Variants in MTUS2 observed in about 807,000 individuals in gnomAD.
MTUS2 encodes microtubule-associated tumor suppressor candidate 2.
Under a neutral mutation model 114.1 loss-of-function variants are expected in MTUS2, and 40 were observed. The ratio of observed to expected loss-of-function variants is 0.35; its 90% CI spans 0.27 to 0.46. MTUS2 has a LOEUF of 0.46. Among genes scored for constraint, MTUS2 ranks in the 20% least tolerant of loss-of-function variants. The probability of loss-of-function intolerance (pLI) is 1.00; values close to 1 mark genes in which losing one functional copy is unlikely to be tolerated. For synonymous variants in MTUS2, 688 were observed against 672.0 expected, an observed-to-expected ratio of 1.02 and a Z score of -0.37; for missense variants, 1,679 against 1,705.4, an observed-to-expected ratio of 0.98 and a Z score of 0.27.
intron 5 of MTUS2, among the ~76,000 whole-genome samples, chr13:29,274,254 CA>C: frequency 1.3e-5 from 2 of 152,096 alleles, no homozygotes; most frequent in Middle Eastern, 3.4e-3. Context: ...GCTGAGACTA[CA>C]GGTGCCCGCC....
intron 5 of MTUS2, among the ~76,000 whole-genome samples, chr13:29,253,603 T>G (rs1334500719): frequency 2.0e-5 from 3 of 152,154 alleles, no homozygotes; most frequent in Non-Finnish European, 4.4e-5. Context: ...TGCTATGGGA[T>G]ACATCAGTGA....
At chr13:29,329,720 TCTC>T in intron 7 of MTUS2, among the ~76,000 whole-genome samples, 1 of 151,322 alleles carries the variant, frequency 6.6e-6, no homozygotes, top group Non-Finnish European at 1.5e-5. Flanking sequence ...TTCAAGCAAT[TCTC>T]CTGCCTCAGC....
intron 2 of MTUS2, among the ~76,000 whole-genome samples, chr13:28,967,904 C>T (rs930001067): frequency 6.6e-6 from 1 of 151,940 alleles, no homozygotes; most frequent in African/African-American, 2.4e-5. Context: ...CATGTATGAA[C>T]GTGAAAATGT....
intron 2 of MTUS2, among the ~76,000 whole-genome samples, chr13:28,965,090 C>G (rs1883517720): frequency 6.6e-6 from 1 of 152,076 alleles, no homozygotes; most frequent in South Asian, 2.1e-4. Flanking sequence ...TGTTTTAACC[C>G]GTGTTGTCAT....
intron 2 of MTUS2, among the ~76,000 whole-genome samples, chr13:29,011,206 T>C (rs1566290363): frequency 1.3e-5 from 2 of 152,360 alleles, no homozygotes; most frequent in East Asian, 1.9e-4. Context: ...AAGCGATTTT[T>C]ATATATTTAA....
rs1889655983 is a variant in MTUS2 at position 29,085,607 on chromosome 13, G to A, written c.2447-15166G>A. 2.6e-5 allele frequency among the ~76,000 whole-genome samples: 4 copies of A among 152,160 alleles called. No homozygotes were observed. In the South Asian group the frequency reaches 8.3e-4, roughly 32 times the overall value. ...CCAGCTCCACCCATGTTCCTGCAAAGGACATGATCTTGTTCTTTTTTTGTG... is the reference window on the plus strand; with the variant it reads ...CCAGCTCCACCCATGTTCCTGCAAAAGACATGATCTTGTTCTTTTTTTGTG... On this transcript the variant is annotated intron_variant, in intron 4 of 15. Coordinates refer to ENST00000612955, the MANE Select transcript of MTUS2 (RefSeq NM_001033602.4).
chr13:29,280,326 G>A (rs9551640), intron 5 of MTUS2, among the ~76,000 whole-genome samples: 1 of 152,124 alleles, frequency 6.6e-6, no homozygotes, highest in Non-Finnish European at 1.5e-5. Context: ...GTCCTATGCA[G>A]AACTATTTTA....
chr13:29,079,488 T>C (rs1889346696), intron 4 of MTUS2, among the ~76,000 whole-genome samples: 1 of 152,218 alleles, frequency 6.6e-6, no homozygotes, highest in African/African-American at 2.4e-5. Context: ...AACCATTGGC[T>C]AATCTGGTGT....
chr13:28,845,382 T>C (rs1466939851), intron 2 of MTUS2, among the ~76,000 whole-genome samples: 1 of 152,246 alleles, frequency 6.6e-6, no homozygotes, highest in Non-Finnish European at 1.5e-5. Flanking sequence ...CTAACATGCA[T>C]TGGACACTAA....
At chr13:29,470,048 A>G (rs909312782) in intron 9 of MTUS2, among the ~76,000 whole-genome samples, 1 of 152,106 alleles carries the variant, frequency 6.6e-6, no homozygotes, top group Non-Finnish European at 1.5e-5. Context: ...CCAGACTCCT[A>G]ATGCCCAAAA....
intron 8 of MTUS2, among the ~76,000 whole-genome samples, chr13:29,422,085 A>T (rs185874283): frequency 6.6e-6 from 1 of 152,170 alleles, no homozygotes; most frequent in Non-Finnish European, 1.5e-5. Flanking sequence ...TATATGTCTG[A>T]ATTTCCTTTT....
intron 10 of MTUS2, among the ~76,000 whole-genome samples, chr13:29,483,429 C>T (rs1168256159): frequency 1.3e-5 from 2 of 152,232 alleles, no homozygotes; most frequent in African/African-American, 4.8e-5. Flanking sequence ...CTGCCCACGG[C>T]ATGTGCTCCG....
rs906105544 is a variant in MTUS2 at position 29,295,474 on chromosome 13, A to G, written c.2806+13609A>G. Among the ~76,000 whole-genome samples, 14 of 151,900 alleles carry G rather than the reference A, an allele frequency of 9.2e-5. No homozygotes were observed. In the South Asian group the frequency reaches 1.2e-3, roughly 14 times the overall value. ...GACCACTATTCTACTCTCTCCTTCT[A>G]TGAGATCAACCTTTTTAGCTTCCAC... On this transcript the variant is annotated intron_variant, in intron 6 of 15. Coordinates refer to ENST00000612955, the MANE Select transcript of MTUS2 (RefSeq NM_001033602.4).
At chr13:28,992,975 A>G (rs562806085) in intron 2 of MTUS2, among the ~76,000 whole-genome samples, 19 of 152,252 alleles carry the variant, frequency 1.2e-4, no homozygotes, top group Admixed American at 1.1e-3. Context: ...ATCATACAGT[A>G]TTTGTTGTCA....
chr13:29,195,258 A>ATAAAC (rs56030916), intron 5 of MTUS2, among the ~76,000 whole-genome samples: 1 of 150,358 alleles, frequency 6.7e-6, no homozygotes. Flanking sequence ...ATAAAATAAA[A>ATAAAC]TAAAATAAAA....
intron 2 of MTUS2, among the ~76,000 whole-genome samples, chr13:28,947,818 G>A (rs1882612391): frequency 6.6e-6 from 1 of 152,186 alleles, no homozygotes; most frequent in Non-Finnish European, 1.5e-5. Context: ...ATAAGTAATT[G>A]TGTGTATGCT....
At chr13:29,441,182 C>T (rs535746120) in intron 9 of MTUS2, among the ~76,000 whole-genome samples, 6 of 152,112 alleles carry the variant, frequency 3.9e-5, no homozygotes, top group African/African-American at 1.4e-4. Context: ...ACACCTACAC[C>T]CGGACACCCC....
intron 5 of MTUS2, among the ~76,000 whole-genome samples, chr13:29,228,490 T>G (rs1896199375): frequency 6.6e-6 from 1 of 152,104 alleles, no homozygotes; most frequent in African/African-American, 2.4e-5. Flanking sequence ...CTGGCTATTT[T>G]TTTTGTTTAA....
rs560376797 is a variant in MTUS2 at position 29,116,106 on chromosome 13, C to T, written c.2644+15136C>T. Among the ~76,000 whole-genome samples, 10 of 152,284 alleles carry T rather than the reference C, an allele frequency of 6.6e-5. No individual in the cohort carries two copies. The East Asian group carries it at 1.7e-3, about 26-fold the overall frequency. ...ATATGAGTCAGCTTCCATAAATCTGCTTCCATGCCTGGCCCCTAGGCCCCA... is the reference window on the plus strand; with the variant it reads ...ATATGAGTCAGCTTCCATAAATCTGTTTCCATGCCTGGCCCCTAGGCCCCA... On this transcript the variant is annotated intron_variant, in intron 5 of 15. Transcript: ENST00000612955.
Sources: gnomAD v4.1 joint callset for allele counts (sites outside exome capture counted in the v4.1 genomes callset) on GRCh38, gnomAD v4.1.1 for gene constraint, MANE v1.5 for transcripts, NCBI Gene and HGNC (gene_info 2026-07-23, HGNC 2026-07-21) for gene names.